CALN1: variants seen among roughly 807,000 people sequenced by gnomAD.
CALN1 encodes calneuron 1, also known as calcium-binding protein 8.
CALN1 carries 17 observed loss-of-function variants against 30.6 expected under a neutral mutation model. The observed-to-expected ratio is 0.56, with a 90% CI of 0.38 to 0.83. CALN1 has a LOEUF of 0.83. CALN1 is among the 40% of genes least tolerant of loss of function. The probability of loss-of-function intolerance (pLI) is 0.00; values close to 1 mark genes in which losing one functional copy is unlikely to be tolerated. For synonymous variants in CALN1, 156 were observed against 131.4 expected, an observed-to-expected ratio of 1.19 and a Z score of -1.28; for missense variants, 291 against 354.9, an observed-to-expected ratio of 0.82 and a Z score of 1.45.
chr7:72,013,148 G>A (rs1253746977), intron 5 of CALN1, among the ~76,000 whole-genome samples: 6 of 152,024 alleles, frequency 3.9e-5, no homozygotes, highest in African/African-American at 1.5e-4. Context: ...ATAACCATGG[G>A]CGTGTGAACT....
At chr7:72,323,281 G>A (rs1016063930) in intron 2 of CALN1, among the ~76,000 whole-genome samples, 2 of 152,002 alleles carry the variant, frequency 1.3e-5, no homozygotes, top group African/African-American at 4.8e-5. Flanking sequence ...ACGCTACCAG[G>A]CATCTCATGA....
chr7:72,351,516 A>AT lies in CALN1; in HGVS notation c.119+51734dup, dbSNP rs566559343. Among the ~76,000 whole-genome samples the AT allele has an allele frequency of 1.7e-3, 255 of 152,372 alleles. 1 individual carries two copies. Among genetic ancestry groups the AT allele is most frequent in the Non-Finnish European group, 2.9e-3 (197 of 68,038 alleles). On this transcript the variant is annotated intron_variant, in intron 2 of 6. Coordinates refer to ENST00000395275, the MANE Select transcript of CALN1 (RefSeq NM_031468.4). ...ATTACCCAATGCATTTATGGGATTTATAAGACATGTATAAGTAAAACATGT... is the reference window on the plus strand; with the variant it reads ...ATTACCCAATGCATTTATGGGATTTATTAAGACATGTATAAGTAAAACATGT...
upstream of CALN1, among the ~76,000 whole-genome samples, chr7:72,413,349 TTACA>T (rs1371155157): frequency 2.7e-5 from 4 of 149,682 alleles, no homozygotes; most frequent in Non-Finnish European, 1.5e-5. Flanking sequence ...ACACATACAT[TTACA>T]TACACTCATC....
chr7:71,844,462 T>A (rs187448641), intron 5 of CALN1, among the ~76,000 whole-genome samples: 2 of 152,324 alleles, frequency 1.3e-5, no homozygotes, highest in Admixed American at 6.5e-5. Context: ...CATTACAATA[T>A]CCTTAAGCAG....
Position 71,949,220 on chromosome 7 carries a change from A to G in CALN1, c.501+74437T>C, listed in dbSNP as rs572581555. Among the ~76,000 whole-genome samples the G allele has an allele frequency of 2.0e-5, 3 of 152,294 alleles. No homozygotes were observed. In the South Asian group the frequency reaches 6.2e-4, roughly 32 times the overall value. ...AGAATAGGGTTTGGAGACAGGGAACATAAGGACTTCCTAGAGCTAAATCAA... is the reference window on the plus strand; with the variant it reads ...AGAATAGGGTTTGGAGACAGGGAACGTAAGGACTTCCTAGAGCTAAATCAA... On this transcript the variant is annotated intron_variant, in intron 5 of 6. Transcript: ENST00000395275.
At chr7:72,200,422 CTCAGTT>C (rs1054415797) in intron 3 of CALN1, among the ~76,000 whole-genome samples, 3 of 152,184 alleles carry the variant, frequency 2.0e-5, no homozygotes, top group African/African-American at 7.2e-5. Context: ...ATAGTGAGCA[CTCAGTT>C]TATTATTTCT....
chr7:72,391,248 C>A (rs546108059), intron 2 of CALN1, among the ~76,000 whole-genome samples: 69 of 152,262 alleles, frequency 4.5e-4, no homozygotes, highest in African/African-American at 1.6e-3. Flanking sequence ...AGTGAAGCTG[C>A]AGAGGGCTAA....
chr7:72,002,804 A>T (rs1437403113), intron 5 of CALN1, among the ~76,000 whole-genome samples: 1 of 152,222 alleles, frequency 6.6e-6, no homozygotes, highest in Non-Finnish European at 1.5e-5. Flanking sequence ...AAAATAAACC[A>T]GGCAAGCACT....
chr7:72,121,070 T>C (rs1426549976), intron 3 of CALN1, among the ~76,000 whole-genome samples: 1 of 147,224 alleles, frequency 6.8e-6, no homozygotes, highest in Admixed American at 6.9e-5. Flanking sequence ...CTATTATATA[T>C]CTATATTATA....
intron 2 of CALN1, among the ~76,000 whole-genome samples, chr7:72,391,511 CCT>C (rs1805577289): frequency 6.6e-6 from 1 of 152,064 alleles, no homozygotes; most frequent in African/African-American, 2.4e-5. Context: ...AAATATGGCC[CCT>C]GATATAATTT....
intron 5 of CALN1, among the ~76,000 whole-genome samples, chr7:71,947,704 C>T (rs1247017060): frequency 6.6e-6 from 1 of 152,032 alleles, no homozygotes; most frequent in Non-Finnish European, 1.5e-5. Flanking sequence ...ACTTTGAGAG[C>T]CCCAGGCAGG....
intron 4 of CALN1, among the ~76,000 whole-genome samples, chr7:72,038,335 G>C (rs2129533377): frequency 6.6e-6 from 1 of 151,772 alleles, no homozygotes; most frequent in African/African-American, 2.4e-5. Context: ...CATCAGCATG[G>C]CAAAAACTGC....
intron 4 of CALN1, among the ~76,000 whole-genome samples, chr7:72,027,779 C>T (rs540248016): frequency 1.9e-4 from 29 of 151,336 alleles, no homozygotes; most frequent in African/African-American, 4.4e-4. Flanking sequence ...GAGACCTGGC[C>T]GGGCGCGGTG....
At chr7:71,810,974 C>A (rs1461132233) in intron 5 of CALN1, among the ~76,000 whole-genome samples, 2 of 150,778 alleles carry the variant, frequency 1.3e-5, no homozygotes, top group East Asian at 2.0e-4. Context: ...CGGCTCACTG[C>A]AACCTCGCCT....
At chr7:71,946,806 G>T (rs1218099138) in intron 5 of CALN1, among the ~76,000 whole-genome samples, 1 of 151,988 alleles carries the variant, frequency 6.6e-6, no homozygotes, top group Non-Finnish European at 1.5e-5. Flanking sequence ...AGGATTTCCT[G>T]ACTTTGAATT....
chr7:72,395,601 G>A (rs1280389633), intron 2 of CALN1, among the ~76,000 whole-genome samples: 5 of 152,176 alleles, frequency 3.3e-5, no homozygotes, highest in Non-Finnish European at 5.9e-5. Flanking sequence ...GTAACAGGCT[G>A]CATTAGAAGA....
At chr7:72,300,054 G>T (rs551180020) in intron 2 of CALN1, among the ~76,000 whole-genome samples, 4 of 151,662 alleles carry the variant, frequency 2.6e-5, no homozygotes, top group South Asian at 4.2e-4. Context: ...CTAATTTTTT[G>T]TATTTTTAAC....
At chr7:71,881,318 T>C (rs1035227573) in intron 5 of CALN1, among the ~76,000 whole-genome samples, 7 of 152,268 alleles carry the variant, frequency 4.6e-5, no homozygotes, top group South Asian at 2.1e-4. Context: ...CACCTTGTGA[T>C]TGTCTGGGTC....
At chr7:72,292,230 C>A (rs770371946) in intron 2 of CALN1, among the ~76,000 whole-genome samples, 4 of 151,808 alleles carry the variant, frequency 2.6e-5, no homozygotes, top group Admixed American at 2.0e-4. Context: ...GTTCTCAAGC[C>A]TGGAAGGCCA....
Sources: gnomAD v4.1 joint callset for allele counts (sites outside exome capture counted in the v4.1 genomes callset) on GRCh38, gnomAD v4.1.1 for gene constraint, MANE v1.5 for transcripts, NCBI Gene and HGNC (gene_info 2026-07-23, HGNC 2026-07-21) for gene names.